Variants in ALK observed in about 807,000 individuals in gnomAD.
ALK encodes the protein ALK tyrosine kinase receptor.
ALK carries 74 observed loss-of-function variants against 163.1 expected under a neutral mutation model. The ratio of observed to expected loss-of-function variants is 0.45; its 90% confidence interval spans 0.38 to 0.55. The LOEUF (loss-of-function observed/expected upper bound fraction) is 0.55, where lower values mean the gene tolerates loss of function less well. Ranked by LOEUF, ALK falls within the 20% of genes least tolerant of loss-of-function variation. The pLI is 0.00. For missense variants in ALK, 2,063 were observed against 2,105.3 expected, an observed-to-expected ratio of 0.98 and a Z score of 0.39; for synonymous variants, 960 against 843.2, an observed-to-expected ratio of 1.14 and a Z score of -2.40.
At chr2:29,475,581 G>A (rs901686358) in intron 4 of ALK, among the ~76,000 whole-genome samples, 1 of 152,194 alleles carries the variant, frequency 6.6e-6, no homozygotes, top group African/African-American at 2.4e-5. Flanking sequence ...ACTAGAGGGA[G>A]GCAGCTGTCG....
chr2:29,287,941 T>A (rs1056474097), intron 9 of ALK, among the ~76,000 whole-genome samples: 1 of 152,046 alleles, frequency 6.6e-6, no homozygotes, highest in Non-Finnish European at 1.5e-5. Context: ...GGAGTGGAGA[T>A]GTAATGTTAC....
intron 1 of ALK, among the ~76,000 whole-genome samples, chr2:29,838,838 G>T (rs1034105932): frequency 1.3e-5 from 2 of 152,132 alleles, no homozygotes; most frequent in Non-Finnish European, 2.9e-5. Flanking sequence ...AGGGAAGAGG[G>T]TTATGCAGGT....
chr2:29,883,116 G>A (rs1666905702), intron 1 of ALK, among the ~76,000 whole-genome samples: 1 of 150,822 alleles, frequency 6.6e-6, no homozygotes, highest in South Asian at 2.1e-4. Flanking sequence ...AAGAAAGGAA[G>A]GGAAGGGAAG....
intron 3 of ALK, among the ~76,000 whole-genome samples, chr2:29,675,707 G>T (rs1195685086): frequency 1.3e-5 from 2 of 151,882 alleles, no homozygotes; most frequent in Non-Finnish European, 2.9e-5. Flanking sequence ...AGCTCAGTTT[G>T]TTTATTTACA....
At chr2:29,308,516 T>A (rs1666594628) in intron 8 of ALK, among the ~76,000 whole-genome samples, 1 of 152,202 alleles carries the variant, frequency 6.6e-6, no homozygotes, top group Non-Finnish European at 1.5e-5. Context: ...AGAATCAAGT[T>A]ATTGTGCCTG....
intron 14 of ALK, among the ~76,000 whole-genome samples, chr2:29,232,959 A>G (rs1664259594): frequency 6.6e-6 from 1 of 152,206 alleles, no homozygotes; most frequent in Admixed American, 6.5e-5. Flanking sequence ...TGATGTCAGC[A>G]AAGTCCACCT....
At chr2:29,856,359 A>C (rs1666137226) in intron 1 of ALK, among the ~76,000 whole-genome samples, 1 of 152,244 alleles carries the variant, frequency 6.6e-6, no homozygotes, top group South Asian at 2.1e-4. Context: ...GCACAAAGTA[A>C]GTGTTCAGTA....
intron 2 of ALK, among the ~76,000 whole-genome samples, chr2:29,714,046 A>G (rs890367488): frequency 2.0e-5 from 3 of 152,130 alleles, no homozygotes; most frequent in Non-Finnish European, 4.4e-5. Context: ...GGTGGCCTCA[A>G]TCTTTTAGCA....
At chr2:29,711,255 T>C (rs1036683179) in intron 2 of ALK, among the ~76,000 whole-genome samples, 4 of 152,170 alleles carry the variant, frequency 2.6e-5, no homozygotes, top group Non-Finnish European at 5.9e-5. Flanking sequence ...CTTGACCTGT[T>C]CCCAAACACC....
chr2:29,745,027 C>A (rs1436933254), intron 1 of ALK, among the ~76,000 whole-genome samples: 1 of 152,150 alleles, frequency 6.6e-6, no homozygotes, highest in African/African-American at 2.4e-5. Flanking sequence ...CCAAAGATGT[C>A]TTTTTCTACC....
At chr2:29,585,853 T>C (rs1391917319) in intron 3 of ALK, among the ~76,000 whole-genome samples, 1 of 152,054 alleles carries the variant, frequency 6.6e-6, no homozygotes, top group Non-Finnish European at 1.5e-5. Flanking sequence ...TTTGTTCAAG[T>C]TTTTAATTAT....
chr2:29,668,706 T>C (rs1336830969), intron 3 of ALK, among the ~76,000 whole-genome samples: 2 of 152,156 alleles, frequency 1.3e-5, no homozygotes, highest in African/African-American at 4.8e-5. Context: ...TTGATTAGTT[T>C]ATTCTGCACA....
intron 3 of ALK, among the ~76,000 whole-genome samples, chr2:29,682,644 G>A (rs1678111037): frequency 1.3e-5 from 2 of 152,140 alleles, no homozygotes; most frequent in East Asian, 1.9e-4. Context: ...TGTTTGCTTA[G>A]CTGAAGCAAT....
At chr2:29,362,800 T>C (rs1317211974) in intron 5 of ALK, among the ~76,000 whole-genome samples, 1 of 152,206 alleles carries the variant, frequency 6.6e-6, no homozygotes, top group Non-Finnish European at 1.5e-5. Context: ...CGGCACCTAG[T>C]TTGATGCCAG....
At chr2:29,830,713 TAAAAAAAAAAAAAAAAAAAA>T (rs530774574) in intron 1 of ALK, among the ~76,000 whole-genome samples, 12 of 28,998 alleles carry the variant, frequency 4.1e-4, no homozygotes, top group East Asian at 4.4e-3. Flanking sequence ...TAAAATAGTT[TAAAAAAAAAAAAAAAAAAAA>T]AAAAAAAAAA....
intron 2 of ALK, among the ~76,000 whole-genome samples, chr2:29,701,617 C>A (rs1286225549): frequency 3.3e-5 from 5 of 152,124 alleles, no homozygotes; most frequent in African/African-American, 7.2e-5. Flanking sequence ...TTCCTGGCAA[C>A]GCATGCTGTA....
intron 4 of ALK, among the ~76,000 whole-genome samples, chr2:29,505,854 T>C (rs10164684): frequency 0.84 from 127,555 of 151,256 alleles, 54,120 homozygotes; most frequent in Non-Finnish European, 0.9. Flanking sequence ...GTCAGCAACA[T>C]CCATTCATGG....
intron 4 of ALK, among the ~76,000 whole-genome samples, chr2:29,433,912 T>G (rs1476303256): frequency 1.3e-5 from 2 of 152,212 alleles, no homozygotes; most frequent in African/African-American, 4.8e-5. Flanking sequence ...TGTCTGCAAT[T>G]AAGACTTTCT....
intron 4 of ALK, among the ~76,000 whole-genome samples, chr2:29,476,822 T>C (rs1057245622): frequency 6.6e-6 from 1 of 152,338 alleles, no homozygotes; most frequent in South Asian, 2.1e-4. Flanking sequence ...CATTTCTTGC[T>C]GTGATGTCAC....
Sources: allele counts gnomAD v4.1 joint callset (sites outside exome capture counted in the v4.1 genomes callset), GRCh38; gene constraint gnomAD v4.1.1; transcripts MANE v1.5; gene names NCBI Gene and HGNC (gene_info 2026-07-23, HGNC 2026-07-21).